Variants in RELN observed in about 807,000 individuals in gnomAD.
The protein encoded by RELN is reelin.
Under a neutral mutation model 427.6 loss-of-function variants are expected in RELN, and 108 were observed. The ratio of observed to expected loss-of-function variants is 0.25; its 90% CI spans 0.22 to 0.30. The LOEUF (loss-of-function observed/expected upper bound fraction) is 0.30, where lower values mean the gene tolerates loss of function less well. Among genes scored for constraint, RELN ranks in the 10% least tolerant of loss-of-function variants. RELN has a pLI of 1.00. For missense variants in RELN, 3,715 were observed against 4,302.8 expected (o/e 0.86, Z 3.82); for synonymous variants, 1,524 against 1,513.4 (o/e 1.01, Z -0.16).
At chr7:103,534,209 CT>C in intron 46 of RELN, among the ~76,000 whole-genome samples, 1 of 152,230 alleles carries the variant, frequency 6.6e-6, no homozygotes, top group Non-Finnish European at 1.5e-5. Context: ...TAAGCCCAAA[CT>C]ATAACTCCTG....
rs1432672559 is a variant in RELN at position 103,510,968 on chromosome 7, T to C, written c.8157A>G (p.Val2719=). ...EHWLFHDDCT[V]ERFCDSPDGV... ...CATCAGGGGAGTCACAGAATCTTTC[T>C]ACTGTACAATCATCATGGAATAGCC... is the stretch of plus-strand genomic sequence containing the variant. The change falls in exon 51 of 65, where the codon GTA becomes GTG. Residue 2719 remains valine (V), a synonymous_variant. Coordinates refer to ENST00000428762, the MANE Select transcript of RELN (RefSeq NM_005045.4). The C allele has an allele frequency of 1.2e-6, 2 of 1,613,748 alleles. No individual in the cohort carries two copies. The highest frequency in any genetic ancestry group is 1.1e-5 in the South Asian group (1 of 91,076).
rs1341074024 is a variant in RELN, at chr7:103,498,156, C to T, written c.8764G>A (p.Ala2922Thr). Reference protein sequence around the residue: ...GSTCTECGILAEDTALYFGGS... With the variant: ...GSTCTECGILTEDTALYFGGS... ...CCAAAATAGAGTGCAGTGTCCTCGG[C>T]AAGAATTCCACACTCAGTGCAAGTA... The change falls in exon 54 of 65, where the codon GCC becomes ACC. Residue 2922 changes from alanine to threonine, a missense_variant. Ala to Thr is a moderately conservative substitution (Grantham distance 58). Coordinates refer to ENST00000428762, the MANE Select transcript of RELN (RefSeq NM_005045.4). 1.9e-6 allele frequency: 3 copies of T among 1,614,086 alleles called. No homozygotes were observed. The highest frequency in any genetic ancestry group is 1.7e-6 in the Non-Finnish European group (2 of 1,179,978).
At position 103,839,303 on chromosome 7, in the gene RELN, C is replaced by CTTTTTT. The variant is rs34244913; in HGVS notation, c.338-5637_338-5632dup. Among the ~76,000 whole-genome samples, 966 of 121,124 alleles carry CTTTTTT rather than the reference C, an allele frequency of 8.0e-3. 23 individuals are homozygous for CTTTTTT. The highest frequency in any genetic ancestry group is 0.05 in the East Asian group (203 of 4,024). The allele number at this position is 121,124 out of a possible 152,430, so 79.5% of individuals were successfully genotyped here. A position where few individuals can be genotyped will look rare whatever the true frequency, so the allele number is the denominator to read the frequency against. On this transcript the variant is annotated intron_variant, in intron 2 of 64. Transcript: ENST00000428762. The stretch of plus-strand genomic sequence containing the variant: ...CACTATGACTATACAGTGGTCTTTG[C>CTTTTTT]TTTTTTTTTTTTTTTTTTTAACATA...
intron 6 of RELN, among the ~76,000 whole-genome samples, chr7:103,737,005 G>C (rs1450786490): frequency 6.6e-6 from 1 of 152,176 alleles, no homozygotes; most frequent in Non-Finnish European, 1.5e-5. Context: ...GAAAAAGTAA[G>C]AGAGAGCAGA....
chr7:103,477,145 A>G (rs550635760), intron 64 of RELN, among the ~76,000 whole-genome samples: 1 of 152,300 alleles, frequency 6.6e-6, no homozygotes, highest in Non-Finnish European at 1.5e-5. Context: ...GAGTTTAGGG[A>G]CTTAGATGGC....
intron 1 of RELN, among the ~76,000 whole-genome samples, chr7:103,929,228 T>C (rs985276907): frequency 2.6e-5 from 4 of 152,320 alleles, no homozygotes; most frequent in Admixed American, 2.6e-4. Context: ...AGTGATCATG[T>C]GTAATTTTTT....
rs759834509 is a variant in RELN, at chr7:103,500,763, G to A, written c.8649C>T (p.Tyr2883=). The change falls in exon 53 of 65, where the codon TAC becomes TAT. Residue 2883 remains tyrosine, a synonymous_variant. Coordinates refer to ENST00000428762, the MANE Select transcript of RELN (RefSeq NM_005045.4). ...CCCTTACCTTCAGAGTGTGGGTCAA[G>A]TAGCAGTTTGGCCCTGAGTATCCCG... ...CDPGYSGPNC[Y]LTHTLKTFLK... The A allele has an allele frequency of 6.2e-7, 1 of 1,614,098 alleles. No individual in the cohort carries two copies. Among genetic ancestry groups the A allele is most frequent in the South Asian group, 1.1e-5 (1 of 91,084 alleles).
At chr7:103,624,770 G>A (rs1832292608) in intron 20 of RELN, among the ~76,000 whole-genome samples, 1 of 151,674 alleles carries the variant, frequency 6.6e-6, no homozygotes, top group African/African-American at 2.4e-5. Flanking sequence ...TTTTCATGTT[G>A]CTCTTTTACT....
At chr7:103,574,444 C>T (rs929005574) in intron 29 of RELN, 145 bp from the exon 30 acceptor site, 13 of 736,294 alleles carry the variant, frequency 1.8e-5, no homozygotes, top group East Asian at 2.7e-5. Flanking sequence ...TCACAACTGT[C>T]GGTCTGAAAG....
intron 2 of RELN, among the ~76,000 whole-genome samples, chr7:103,898,400 T>G (rs1351435970): frequency 6.6e-6 from 1 of 152,072 alleles, no homozygotes; most frequent in Non-Finnish European, 1.5e-5. Flanking sequence ...TATCATAGTG[T>G]TTTGATGAAC....
intron 1 of RELN, among the ~76,000 whole-genome samples, chr7:103,927,049 A>G (rs1795760834): frequency 6.6e-6 from 1 of 152,204 alleles, no homozygotes; most frequent in Admixed American, 6.6e-5. Flanking sequence ...AAAATAAAAA[A>G]TTCATTTAAA....
intron 1 of RELN, among the ~76,000 whole-genome samples, chr7:103,969,994 C>T (rs1001261776): frequency 6.6e-6 from 1 of 152,136 alleles, no homozygotes; most frequent in African/African-American, 2.4e-5. Flanking sequence ...ACTCCAATAT[C>T]AATACTCACA....
intron 57 of RELN, among the ~76,000 whole-genome samples, chr7:103,494,182 C>T (rs559734496): frequency 6.6e-6 from 1 of 152,088 alleles, no homozygotes; most frequent in Non-Finnish European, 1.5e-5. Flanking sequence ...GGGGAGCTTG[C>T]CTTACCCTCC....
At position 103,472,659 on chromosome 7, in the gene RELN, G is replaced by A. The variant is rs1827893159; in HGVS notation, c.*153C>T. 3.0e-6 allele frequency: 2 copies of A among 662,056 alleles called. No homozygotes were observed. Among genetic ancestry groups the A allele is most frequent in the Non-Finnish European group, 5.5e-6 (2 of 364,022 alleles). 41.0% of individuals were successfully genotyped at this position (662,056 alleles called of 1,614,324 possible). A position where few individuals can be genotyped will look rare whatever the true frequency, so the allele number is the denominator to read the frequency against. On this transcript the variant is annotated 3_prime_UTR_variant, in exon 65 of 65. Transcript: ENST00000428762. Reference sequence around the variant, plus strand: ...TCACTTGTCATTAGTTCACAGTGTGGGAAAGTGGTGTACACTCGGTCTTGA... The same window carrying A: ...TCACTTGTCATTAGTTCACAGTGTGAGAAAGTGGTGTACACTCGGTCTTGA...
intron 1 of RELN, among the ~76,000 whole-genome samples, chr7:103,920,034 T>C (rs1383477582): frequency 6.6e-6 from 1 of 152,178 alleles, no homozygotes; most frequent in Non-Finnish European, 1.5e-5. Flanking sequence ...AAGCTCTCCA[T>C]GAATCATAGG....
intron 45 of RELN, among the ~76,000 whole-genome samples, chr7:103,538,266 C>T (rs1043493488): frequency 1.3e-5 from 2 of 152,162 alleles, no homozygotes; most frequent in Non-Finnish European, 2.9e-5. Context: ...CTCCCCTCTA[C>T]CCAGAATCTA....
At chr7:103,552,222 A>C (rs879923103) in intron 40 of RELN, among the ~76,000 whole-genome samples, 26 of 152,202 alleles carry the variant, frequency 1.7e-4, no homozygotes, top group Admixed American at 1.0e-3. Context: ...GTGCATTAAA[A>C]TAAATTATAT....
At chr7:103,729,725 A>G (rs1201706433) in intron 6 of RELN, among the ~76,000 whole-genome samples, 3 of 152,146 alleles carry the variant, frequency 2.0e-5, no homozygotes, top group African/African-American at 7.2e-5. Context: ...TATTCCTGAA[A>G]TATTTGTTGA....
intron 4 of RELN, among the ~76,000 whole-genome samples, chr7:103,771,451 A>G (rs1191185380): frequency 2.6e-5 from 4 of 151,910 alleles, no homozygotes; most frequent in Admixed American, 6.5e-5. Flanking sequence ...TAATGAATGC[A>G]TTGCCTCCGC....
Sources: gnomAD v4.1 joint callset for allele counts (sites outside exome capture counted in the v4.1 genomes callset) on GRCh38, gnomAD v4.1.1 for gene constraint, MANE v1.5 for transcripts, NCBI Gene and HGNC (gene_info 2026-07-23, HGNC 2026-07-21) for gene names.